Variants in NR6A1 observed in about 807,000 individuals in gnomAD.
NR6A1 encodes the protein retinoic acid receptor-related testis-associated receptor.
Under a neutral mutation model 59.1 loss-of-function variants are expected in NR6A1, and 7 were observed. That is an observed-to-expected ratio of 0.12 (90% CI 0.07 to 0.22). The LOEUF (loss-of-function observed/expected upper bound fraction) is 0.22, where lower values mean the gene tolerates loss of function less well. Among genes scored for constraint, NR6A1 ranks in the 10% least tolerant of loss-of-function variants. NR6A1 has a pLI of 1.00. For synonymous variants in NR6A1, 243 were observed against 236.1 expected (o/e 1.03, Z -0.27); for missense variants, 468 against 611.6 (o/e 0.77, Z 2.48).
chr9:124,669,913 T>C (rs1837737448), intron 2 of NR6A1, among the ~76,000 whole-genome samples: 1 of 152,148 alleles, frequency 6.6e-6, no homozygotes, highest in South Asian at 2.1e-4. Flanking sequence ...TCTTGACTCA[T>C]AGGAATAAAT....
At chr9:124,759,496 T>G (rs1840729594) in intron 1 of NR6A1, among the ~76,000 whole-genome samples, 2 of 152,216 alleles carry the variant, frequency 1.3e-5, no homozygotes, top group Admixed American at 1.3e-4. Flanking sequence ...TTCCTTTCCC[T>G]TATATTTTGT....
At chr9:124,548,508 A>G (rs1257562897) in intron 3 of NR6A1, among the ~76,000 whole-genome samples, 1 of 152,216 alleles carries the variant, frequency 6.6e-6, no homozygotes, top group Non-Finnish European at 1.5e-5. Context: ...AATGTAAAAA[A>G]AAAAGTTCAT....
At chr9:124,759,521 T>C (rs1200056365) in intron 1 of NR6A1, among the ~76,000 whole-genome samples, 1 of 152,236 alleles carries the variant, frequency 6.6e-6, no homozygotes, top group African/African-American at 2.4e-5. Flanking sequence ...TTACTCTGAC[T>C]ACCAGCAAGG....
rs562624742 is a variant in NR6A1 at position 124,566,336 on chromosome 9, A to G, written c.143-11766T>C. Among the ~76,000 whole-genome samples, 13 of 152,348 alleles carry G rather than the reference A, an allele frequency of 8.5e-5. 1 individual carries two copies. In the South Asian group the frequency reaches 2.7e-3, roughly 32 times the overall value. ...TTGACGTGGGCGGTTGCTTTACAGT[A>G]AGTCATTAAGCTGTACATTTGTATT... On this transcript the variant is annotated intron_variant, in intron 2 of 9. Coordinates refer to ENST00000487099, the MANE Select transcript of NR6A1 (RefSeq NM_033334.4).
chr9:124,690,029 T>G (rs1838475465), intron 2 of NR6A1, among the ~76,000 whole-genome samples: 1 of 152,206 alleles, frequency 6.6e-6, no homozygotes, highest in Non-Finnish European at 1.5e-5. Context: ...TAGCACAGTT[T>G]GGCAAAAAGA....
chr9:124,552,559 G>A (rs116002550), intron 3 of NR6A1, among the ~76,000 whole-genome samples: 1,570 of 152,272 alleles, frequency 0.01, 26 homozygotes, highest in African/African-American at 0.036. Context: ...GTAGACATGT[G>A]AAGCAGTACA....
chr9:124,665,654 C>G (rs1409166424), intron 2 of NR6A1, among the ~76,000 whole-genome samples: 1 of 152,202 alleles, frequency 6.6e-6, no homozygotes, highest in African/African-American at 2.4e-5. Context: ...AGACTATGTT[C>G]TCAGCAGTTA....
chr9:124,697,259 T>C (rs949987692), intron 2 of NR6A1, among the ~76,000 whole-genome samples: 1 of 152,212 alleles, frequency 6.6e-6, no homozygotes, highest in Non-Finnish European at 1.5e-5. Flanking sequence ...CAAATACTTA[T>C]TGGACACCTA....
chr9:124,630,413 T>G (rs1237023984), intron 2 of NR6A1, among the ~76,000 whole-genome samples: 1 of 151,404 alleles, frequency 6.6e-6, no homozygotes, highest in Admixed American at 6.6e-5. Context: ...TTTTTTGTAT[T>G]TTTAGTAGAG....
intron 2 of NR6A1, among the ~76,000 whole-genome samples, chr9:124,604,740 G>C (rs1835532673): frequency 6.6e-6 from 1 of 152,086 alleles, no homozygotes; most frequent in Non-Finnish European, 1.5e-5. Context: ...TTGAGCCCCG[G>C]GAGGCAGAGG....
At chr9:124,708,019 T>G (rs558806965) in intron 2 of NR6A1, among the ~76,000 whole-genome samples, 1 of 152,296 alleles carries the variant, frequency 6.6e-6, no homozygotes, top group Non-Finnish European at 1.5e-5. Flanking sequence ...CACACAGGTG[T>G]CTGATGTGCA....
intron 2 of NR6A1, 52 bp from the exon 3 acceptor site, chr9:124,554,622 G>A: frequency 1.9e-6 from 3 of 1,609,910 alleles, no homozygotes; most frequent in Non-Finnish European, 2.5e-6. Flanking sequence ...TAAGCCTACA[G>A]TTCCTAAAGT....
At chr9:124,654,451 T>C (rs1370902040) in intron 2 of NR6A1, among the ~76,000 whole-genome samples, 2 of 152,182 alleles carry the variant, frequency 1.3e-5, no homozygotes, top group African/African-American at 4.8e-5. Flanking sequence ...TCACCCCTAC[T>C]TGCATTCACT....
In NR6A1 at chr9:124,641,272, T is replaced by C. The variant is rs535269056; in HGVS notation, c.143-86702A>G. 6.1e-4 allele frequency among the ~76,000 whole-genome samples: 92 copies of C among 151,260 alleles called. 1 individual carries two copies. In the South Asian group the frequency reaches 0.018, roughly 30 times the overall value. ...TACTTGGGAGGATGAGGCAGGAGAA[T>C]TGCTTGAACCCAGGAGGCAGAGGTT... On this transcript the variant is annotated intron_variant, in intron 2 of 9. Transcript: ENST00000487099.
rs1213464702 is a variant in NR6A1 at position 124,521,036 on chromosome 9, A to G, written c.*1669T>C. 1.3e-5 allele frequency: 2 copies of G among 152,240 alleles called. No homozygotes were observed. The highest frequency in any genetic ancestry group is 4.8e-5 in the African/African-American group (2 of 41,456). The allele number at this position is 152,240 out of a possible 1,614,324, so 9.4% of individuals were successfully genotyped here. On this transcript the variant is annotated 3_prime_UTR_variant, in exon 10 of 10. Transcript: ENST00000487099. ...ACGTGGTGCCCTCCTGGGTAGCTTTACTAGGTTGAGTTGAGGAGACAGCAA... is the reference window on the plus strand; with the variant it reads ...ACGTGGTGCCCTCCTGGGTAGCTTTGCTAGGTTGAGTTGAGGAGACAGCAA...
chr9:124,685,586 TC>T (rs1412354134), intron 2 of NR6A1, among the ~76,000 whole-genome samples: 1 of 152,190 alleles, frequency 6.6e-6, no homozygotes, highest in African/African-American at 2.4e-5. Flanking sequence ...TGCTGTGGAC[TC>T]CCAAAGTACT....
intron 2 of NR6A1, among the ~76,000 whole-genome samples, chr9:124,724,205 T>C (rs1418297892): frequency 2.0e-5 from 3 of 152,020 alleles, no homozygotes; most frequent in African/African-American, 7.3e-5. Flanking sequence ...ATAGTATAGA[T>C]TCCTAATTAT....
chr9:124,697,214 G>C (rs576577719), intron 2 of NR6A1, among the ~76,000 whole-genome samples: 1 of 152,194 alleles, frequency 6.6e-6, no homozygotes, highest in Non-Finnish European at 1.5e-5. Context: ...ATGGATCTGA[G>C]AAAGAATGAT....
At chr9:124,642,833 A>G (rs1836806099) in intron 2 of NR6A1, among the ~76,000 whole-genome samples, 1 of 152,224 alleles carries the variant, frequency 6.6e-6, no homozygotes, top group South Asian at 2.1e-4. Flanking sequence ...GTAGCAGGGG[A>G]GACCACAGCT....
Sources: gnomAD v4.1 joint callset for allele counts (sites outside exome capture counted in the v4.1 genomes callset) on GRCh38, gnomAD v4.1.1 for gene constraint, MANE v1.5 for transcripts, NCBI Gene and HGNC (gene_info 2026-07-23, HGNC 2026-07-21) for gene names.